SLC25A5: variants seen among roughly 807,000 people sequenced by gnomAD.
The protein encoded by SLC25A5 is ADP/ATP translocase 2.
In SLC25A5, 4 loss-of-function variants were observed where a neutral mutation model predicts 16.5. The ratio of observed to expected loss-of-function variants is 0.24; its 90% confidence interval spans 0.12 to 0.56. The LOEUF (loss-of-function observed/expected upper bound fraction) is 0.56. SLC25A5 is among the 20% of genes least tolerant of loss of function. The pLI, the probability that SLC25A5 is intolerant of heterozygous loss-of-function variation, is 0.93. For synonymous variants in SLC25A5, 60 were observed against 95.2 expected (o/e 0.63, Z 2.15); for missense variants, 88 against 248.0 (o/e 0.35, Z 4.33).
At chrX:119,469,214 T>C (rs1469039092) in intron 1 of SLC25A5, 1 of 114,739 alleles carries the variant, frequency 8.7e-6, no homozygotes, top group African/African-American at 3.2e-5. Flanking sequence ...AGGGCGCTCC[T>C]GGGCTAGCGT....
In SLC25A5 at chrX:119,471,353, A is replaced by G. The variant is rs763122382; in HGVS notation, c.*295A>G. The G allele has an allele frequency of 7.4e-5, 11 of 148,140 alleles. No individual in the cohort carries two copies. Among genetic ancestry groups the G allele is most frequent in the Middle Eastern group, 2.0e-3 (1 of 507 alleles). 12.2% of individuals were successfully genotyped at this position (148,140 alleles called of 1,213,427 possible). On this transcript the variant is annotated 3_prime_UTR_variant, in exon 4 of 4. Transcript: ENST00000317881. ...GCAGTATATTTTCATATAAAAATGC[A>G]TATTTGAGTGCTACATTCGAATAAA...
chrX:119,468,525 G>C lies in SLC25A5; in HGVS notation c.10G>C (p.Ala4Pro). The change falls in exon 1 of 4, where the codon GCC becomes CCC. Residue 4 changes from alanine to proline, a missense_variant. Ala to Pro is a conservative substitution (Grantham distance 27, BLOSUM62 -1). Coordinates refer to ENST00000317881, the MANE Select transcript of SLC25A5 (RefSeq NM_001152.5). MTDAAVSFAKDFLA... is the reference protein window; with the variant it reads MTDPAVSFAKDFLA... ...TGCCTCCTCTTTCAACATGACAGAT[G>C]CCGCTGTGTCCTTCGCCAAGGACTT... is the stretch of plus-strand genomic sequence containing the variant. 1 of 1,209,737 alleles carries C rather than the reference G, an allele frequency of 8.3e-7. No homozygotes were observed. The highest frequency in any genetic ancestry group is 1.1e-6 in the Non-Finnish European group (1 of 894,027).
rs1005920056 is a variant in SLC25A5, at chrX:119,468,502, C to T, written c.-14C>T. ...CCCAGTCCCGTCCTGCAGCAGTCTG[C>T]CTCCTCTTTCAACATGACAGATGCC... On this transcript the variant is annotated 5_prime_UTR_variant, in exon 1 of 4. Transcript: ENST00000317881. The T allele has an allele frequency of 2.5e-6, 3 of 1,193,508 alleles. No individual in the cohort carries two copies. Among genetic ancestry groups the T allele is most frequent in the Non-Finnish European group, 3.4e-6 (3 of 880,361 alleles).
chrX:119,469,482 A>G (rs1170495553), intron 1 of SLC25A5, 179 bp from the exon 2 acceptor site: 1 of 494,465 alleles, frequency 2.0e-6, no homozygotes, highest in Non-Finnish European at 3.4e-6. Flanking sequence ...GGTGCAGATC[A>G]CCTCTTCCCC....
chrX:119,469,272 G>A (rs1381379736), intron 1 of SLC25A5: 1 of 122,247 alleles, frequency 8.2e-6, no homozygotes, highest in Non-Finnish European at 1.7e-5. Flanking sequence ...GAGCGGAGTG[G>A]GGGCGGAGCG....
At chrX:119,468,931 C>T in intron 1 of SLC25A5, 2 of 293,816 alleles carry the variant, frequency 6.8e-6, no homozygotes, top group South Asian at 1.5e-4. Context: ...GCCTGGGCGT[C>T]AAGGGCGAAG....
intron 3 of SLC25A5, among the ~76,000 whole-genome samples, 164 bp downstream of exon 3, chrX:119,470,677 C>T (rs1603301297): frequency 8.9e-6 from 1 of 111,945 alleles, no homozygotes; most frequent in East Asian, 2.8e-4. Flanking sequence ...CCTTCAGATG[C>T]CTATGAATGA....
intron 1 of SLC25A5, chrX:119,469,442 C>T: frequency 2.5e-6 from 1 of 394,794 alleles, no homozygotes; most frequent in Non-Finnish European, 4.4e-6. Context: ...GCCCCCTCTC[C>T]ACTCAGAGGG....
At chrX:119,470,583 A>G (rs1242689910) in intron 3 of SLC25A5, 70 bp downstream of exon 3, 2 of 1,031,387 alleles carry the variant, frequency 1.9e-6, no homozygotes, top group African/African-American at 3.8e-5. Context: ...CTGGTGATAC[A>G]TACCTTTAAA....
At chrX:119,468,863 C>A (rs2052805127) in intron 1 of SLC25A5, 1 of 389,906 alleles carries the variant, frequency 2.6e-6, no homozygotes, top group South Asian at 4.7e-5. Context: ...ACCAGGCTCT[C>A]GGCATCTCCG....
Position 119,470,117 on chromosome X carries a change from G to A in SLC25A5, c.568G>A (p.Ala190Thr), listed in dbSNP as rs780023492. 1 of 1,204,580 alleles carries A rather than the reference G, an allele frequency of 8.3e-7. No homozygotes were observed. Among genetic ancestry groups the A allele is most frequent in the Non-Finnish European group, 1.1e-6 (1 of 891,781 alleles). The change falls in exon 2 of 4, where the codon GCC becomes ACC. Residue 190 changes from alanine (A) to threonine (T), a missense_variant. Transcript: ENST00000317881. ...SVQGIIIYRA[A>T]YFGIYDTAKG... ...GCAGGGTATTATCATCTACCGAGCC[G>A]CCTACTTCGGTATCTATGACACTGC... is the stretch of plus-strand genomic sequence containing the variant.
In SLC25A5 at chrX:119,471,052, C is replaced by T. The variant is rs1337073367; in HGVS notation, c.891C>T (p.Tyr297=). 1.3e-5 allele frequency: 16 copies of T among 1,206,102 alleles called. No individual in the cohort carries two copies. The highest frequency in any genetic ancestry group is 6.6e-5 in the Admixed American group (3 of 45,255). Residue 297 remains tyrosine (Y), a synonymous_variant, in exon 4 of 4, where the codon TAC becomes TAT. Transcript: ENST00000317881. Reference sequence around the variant, plus strand: ...TCTTGTATGATGAAATCAAGAAGTACACATAAGTTATTTCCTAGGATTTTT... The same window carrying T: ...TCTTGTATGATGAAATCAAGAAGTATACATAAGTTATTTCCTAGGATTTTT... The part of the protein sequence containing the change: ...VLVLYDEIKK[Y]T
In SLC25A5 at chrX:119,471,229, A is replaced by G. The variant is rs2052831101; in HGVS notation, c.*171A>G. 3.2e-6 allele frequency: 1 copy of G among 315,017 alleles called. No homozygotes were observed. Among genetic ancestry groups the G allele is most frequent in the Non-Finnish European group, 5.4e-6 (1 of 184,523 alleles). 26.0% of individuals were successfully genotyped at this position (315,017 alleles called of 1,213,427 possible). On this transcript the variant is annotated 3_prime_UTR_variant, in exon 4 of 4. Coordinates refer to ENST00000317881, the MANE Select transcript of SLC25A5 (RefSeq NM_001152.5). ...CCAGTTTTCTCTTAAAGCCATTTCC[A>G]TGATGATGATGATGGGACTCAATTG...
chrX:119,470,607 C>A, intron 3 of SLC25A5, 94 bp downstream of exon 3: 1 of 1,027,249 alleles, frequency 9.7e-7, no homozygotes, highest in East Asian at 3.0e-5. Context: ...GCTGTCTGTC[C>A]AAGTCAAGGG....
rs192781821 is a variant in SLC25A5 at position 119,470,217 on chromosome X, C to T, written c.598+70C>T. 2.3e-4 allele frequency: 261 copies of T among 1,137,390 alleles called. No individual in the cohort carries two copies. The African/African-American group carries it at 2.9e-3, about 13-fold the overall frequency. The allele number at this position is 1,137,390 out of a possible 1,213,427, so 93.7% of individuals were successfully genotyped here. On this transcript the variant is annotated intron_variant, in intron 2 of 3. Transcript: ENST00000317881. ...TTAAAAGAGCATTGTACCAACCTAA[C>T]AGTCCAAGAGCTAAAGAGTTGTTTT...
At chrX:119,470,824 T>C in intron 3 of SLC25A5, 77 bp from the exon 4 acceptor site, 2 of 1,074,790 alleles carry the variant, frequency 1.9e-6, no homozygotes, top group Admixed American at 2.7e-5. Context: ...GGTGGGGCTC[T>C]GCTTTATTTA....
At chrX:119,468,999 C>T in intron 1 of SLC25A5, 2 of 155,337 alleles carry the variant, frequency 1.3e-5, no homozygotes, top group Non-Finnish European at 2.5e-5. Context: ...CTCAAGGTCG[C>T]GGCAAGGAGA....
At position 119,470,160 on chromosome X, in the gene SLC25A5, T is replaced by G. The variant is rs373948503; in HGVS notation, c.598+13T>G. The G allele has an allele frequency of 1.0e-4, 118 of 1,144,210 alleles. No individual in the cohort carries two copies. Among genetic ancestry groups the G allele is most frequent in the Non-Finnish European group, 1.2e-4 (103 of 862,372 alleles). The allele number at this position is 1,144,210 out of a possible 1,213,427, so 94.3% of individuals were successfully genotyped here. A position where few individuals can be genotyped will look rare whatever the true frequency, so the allele number is the denominator to read the frequency against. On this transcript the variant is annotated intron_variant, in intron 2 of 3. Transcript: ENST00000317881. ...GACACTGCAAAGGGTAAGTTTGCTG[T>G]GGGCTTTAACGTTGTGTTCTTAGGA...
At chrX:119,470,570 A>G in intron 3 of SLC25A5, 57 bp downstream of exon 3, 1 of 1,110,634 alleles carries the variant, frequency 9.0e-7, no homozygotes, top group Non-Finnish European at 1.2e-6. Context: ...CTGCTGCCAC[A>G]AACTGGTGAT....
Sources: allele counts gnomAD v4.1 joint callset (sites outside exome capture counted in the v4.1 genomes callset), GRCh38; gene constraint gnomAD v4.1.1; transcripts MANE v1.5; gene names NCBI Gene and HGNC (gene_info 2026-07-23, HGNC 2026-07-21).